GMDS: variants seen among roughly 807,000 people sequenced by gnomAD.
GMDS encodes the protein GDP-mannose 4,6-dehydratase.
GMDS carries 20 observed loss-of-function variants against 49.9 expected under a neutral mutation model. That is an observed-to-expected ratio of 0.40 (90% CI 0.28 to 0.58). The LOEUF is 0.58. GMDS is among the 20% of genes least tolerant of loss of function. The probability of loss-of-function intolerance (pLI) is 0.42; values close to 1 mark genes in which losing one functional copy is unlikely to be tolerated. For synonymous variants in GMDS, 177 were observed against 178.6 expected (o/e 0.99, Z 0.07); for missense variants, 362 against 481.4 (o/e 0.75, Z 2.32).
At chr6:1,791,587 G>A (rs1769545257) in intron 7 of GMDS, among the ~76,000 whole-genome samples, 1 of 152,134 alleles carries the variant, frequency 6.6e-6, no homozygotes, top group African/African-American at 2.4e-5. Context: ...GAATTTTGGG[G>A]AGACACAATT....
chr6:1,624,181 GT>G lies in GMDS; in HGVS notation c.1106del (p.Asn369ThrfsTer91). 1 of 1,609,992 alleles carries G rather than the reference GT, an allele frequency of 6.2e-7. No individual in the cohort carries two copies. On this transcript the variant is annotated frameshift_variant, in exon 11 of 11. Coordinates refer to ENST00000380815, the MANE Select transcript of GMDS (RefSeq NM_001500.4). LOFTEE classifies it high-confidence loss of function. ...TCCGAGGCGCTGCTCAGGCATTGGG[GT>G]TTGTCCTCATGAGCTCCACGTCGGC... ...VHADVELMRTNPNA is the reference protein window; with the variant it reads ...VHADVELMRTXPNA
intron 4 of GMDS, among the ~76,000 whole-genome samples, chr6:2,065,435 C>T (rs1051618586): frequency 2.6e-5 from 4 of 152,174 alleles, no homozygotes; most frequent in African/African-American, 7.2e-5. Flanking sequence ...ATGACTTTGA[C>T]GAGCTGAGAG....
chr6:1,899,862 G>C (rs937188187), intron 7 of GMDS, among the ~76,000 whole-genome samples: 2 of 150,972 alleles, frequency 1.3e-5, no homozygotes, highest in African/African-American at 4.9e-5. Context: ...ACACTAAAGA[G>C]AACACAGTCG....
intron 1 of GMDS, among the ~76,000 whole-genome samples, chr6:2,178,203 A>G (rs1778369569): frequency 6.6e-6 from 1 of 152,204 alleles, no homozygotes; most frequent in Admixed American, 6.5e-5. Context: ...CCATTCTTGC[A>G]CTGCTATAAA....
chr6:2,008,550 C>T (rs533019587), intron 4 of GMDS, among the ~76,000 whole-genome samples: 96 of 152,252 alleles, frequency 6.3e-4, no homozygotes, highest in Non-Finnish European at 1.1e-3. Context: ...AGTTCACTAT[C>T]AAGCTTGTTG....
At position 2,227,071 on chromosome 6, in the gene GMDS, G is replaced by A. The variant is rs188792540; in HGVS notation, c.102+18250C>T. Among the ~76,000 whole-genome samples, 6 of 152,210 alleles carry A rather than the reference G, an allele frequency of 3.9e-5. No homozygotes were observed. The East Asian group carries it at 7.7e-4, about 20-fold the overall frequency. ...AATTACTTCTGAGTGGTGGGATTGC[G>A]GGTGTTGTTTTTTTTCCCCCTGAAA... On this transcript the variant is annotated intron_variant, in intron 1 of 10. Transcript: ENST00000380815.
intron 4 of GMDS, among the ~76,000 whole-genome samples, chr6:2,003,588 C>A (rs546378487): frequency 2.5e-4 from 38 of 152,244 alleles, no homozygotes; most frequent in African/African-American, 7.9e-4. Flanking sequence ...AGACTTGCTA[C>A]GACTGAAGAG....
chr6:2,124,154 T>C (rs1325358137), intron 2 of GMDS, among the ~76,000 whole-genome samples: 1 of 152,020 alleles, frequency 6.6e-6, no homozygotes, highest in Non-Finnish European at 1.5e-5. Context: ...TATAAAACTA[T>C]TGTTTCTTTT....
At chr6:1,967,347 T>C (rs1341719676) in intron 4 of GMDS, among the ~76,000 whole-genome samples, 1 of 152,138 alleles carries the variant, frequency 6.6e-6, no homozygotes, top group East Asian at 1.9e-4. Context: ...ATTTGCTGAG[T>C]GAATGAAGAC....
intron 9 of GMDS, among the ~76,000 whole-genome samples, chr6:1,664,482 G>C (rs1312461788): frequency 6.6e-6 from 1 of 152,244 alleles, no homozygotes; most frequent in Admixed American, 6.5e-5. Context: ...TCTCCTTAGA[G>C]AGGCGTGAGA....
intron 7 of GMDS, among the ~76,000 whole-genome samples, chr6:1,923,053 CCT>C (rs1346176329): frequency 6.6e-6 from 1 of 152,220 alleles, no homozygotes; most frequent in African/African-American, 2.4e-5. Flanking sequence ...CTCTCTCTTC[CCT>C]GCTGCCATGT....
intron 7 of GMDS, 68 bp downstream of exon 7, chr6:1,930,035 T>C (rs1445678688): frequency 1.5e-5 from 22 of 1,419,722 alleles, no homozygotes; most frequent in Admixed American, 1.8e-5. Flanking sequence ...ACTTTTTCAC[T>C]GTACGCTTGG....
intron 1 of GMDS, among the ~76,000 whole-genome samples, chr6:2,180,167 T>C (rs75412494): frequency 6.6e-5 from 10 of 152,304 alleles, no homozygotes; most frequent in East Asian, 5.8e-4. Context: ...ACCATAGGCA[T>C]AGACACCAGA....
intron 7 of GMDS, among the ~76,000 whole-genome samples, chr6:1,824,260 G>T (rs943986366): frequency 3.3e-5 from 5 of 152,072 alleles, no homozygotes; most frequent in Admixed American, 1.3e-4. Flanking sequence ...TGCAATTCTT[G>T]TCACATTCTC....
chr6:2,007,926 G>C (rs1767302525), intron 4 of GMDS, among the ~76,000 whole-genome samples: 1 of 152,056 alleles, frequency 6.6e-6, no homozygotes, highest in Admixed American at 6.5e-5. Context: ...TTGAGTATTT[G>C]GTTCCACAAG....
At chr6:1,958,982 G>A (rs1317851441) in intron 6 of GMDS, among the ~76,000 whole-genome samples, 3 of 152,134 alleles carry the variant, frequency 2.0e-5, no homozygotes, top group African/African-American at 4.8e-5. Flanking sequence ...GAACTAGCAC[G>A]TTGCTACAGT....
chr6:2,208,611 C>A (rs1779917254), intron 1 of GMDS, among the ~76,000 whole-genome samples: 1 of 152,160 alleles, frequency 6.6e-6, no homozygotes, highest in Non-Finnish European at 1.5e-5. Context: ...AAGAAACTGT[C>A]TGCATAATTA....
At chr6:1,820,037 T>C (rs948931657) in intron 7 of GMDS, among the ~76,000 whole-genome samples, 3 of 151,908 alleles carry the variant, frequency 2.0e-5, no homozygotes, top group Non-Finnish European at 4.4e-5. Context: ...GGTACTAATA[T>C]AAAAAGCTCT....
At chr6:1,923,129 C>A (rs895813173) in intron 7 of GMDS, among the ~76,000 whole-genome samples, 3 of 152,302 alleles carry the variant, frequency 2.0e-5, no homozygotes, top group Non-Finnish European at 4.4e-5. Context: ...AACTGTGAGT[C>A]CATTAAACCT....
Sources: gnomAD v4.1 joint callset for allele counts (sites outside exome capture counted in the v4.1 genomes callset) on GRCh38, gnomAD v4.1.1 for gene constraint, MANE v1.5 for transcripts, NCBI Gene and HGNC (gene_info 2026-07-23, HGNC 2026-07-21) for gene names.